Variants in LILRB4 observed in about 807,000 individuals in gnomAD.
The protein encoded by LILRB4 is leukocyte immunoglobulin like receptor B4.
A neutral mutation model predicts 55.2 loss-of-function variants in LILRB4; 49 were observed. That is an observed-to-expected ratio of 0.89 (90% CI 0.71 to 1.13). The LOEUF (loss-of-function observed/expected upper bound fraction) is 1.13, where lower values mean the gene tolerates loss of function less well. Among genes scored for constraint, LILRB4 ranks in the 50% most tolerant of loss-of-function variants. LILRB4 has a pLI of 0.00. For synonymous variants in LILRB4, 229 were observed against 213.8 expected (o/e 1.07, Z -0.62); for missense variants, 590 against 555.2 (o/e 1.06, Z -0.63).
Position 54,664,791 on chromosome 19 carries a change from C to G in LILRB4, c.656-8C>G. 6.4e-7 allele frequency: 1 copy of G among 1,573,168 alleles called. No homozygotes were observed. On this transcript the variant is annotated splice_region_variant and splice_polypyrimidine_tract_variant and intron_variant, in intron 4 of 11. Coordinates refer to ENST00000430952, the Ensembl canonical transcript of LILRB4. ...AGACTCTCACCCTCCTCTTGTCCTTCTACCCAGGATCCTTGGAGGGTCCCA... is the reference window on the plus strand; with the variant it reads ...AGACTCTCACCCTCCTCTTGTCCTTGTACCCAGGATCCTTGGAGGGTCCCA...
rs2065249021 is a variant in LILRB4, at chr19:54,666,065, GA to G, written c.874+138del. 2.3e-6 allele frequency: 3 copies of G among 1,325,272 alleles called. No individual in the cohort carries two copies. The highest frequency in any genetic ancestry group is 3.1e-6 in the Non-Finnish European group (3 of 955,214). The allele number at this position is 1,325,272 out of a possible 1,614,324, so 82.1% of individuals were successfully genotyped here. Reference sequence around the variant, plus strand: ...TCCCAGTGAGAAAATCTAGAAAGAAGAAAATGAATGAGGGAGTAATGGAAGT... The same window carrying G: ...TCCCAGTGAGAAAATCTAGAAAGAAGAAATGAATGAGGGAGTAATGGAAGT... On this transcript the variant is annotated intron_variant, in intron 7 of 11. Transcript: ENST00000430952. This position sits in a 1 kb window ranked among gnomAD's most constrained non-coding sequence, Gnocchi z 4.8.
chr19:54,667,578 T>C, intron 10 of LILRB4, 57 bp from the exon 11 acceptor site: 9 of 1,603,014 alleles, frequency 5.6e-6, no homozygotes, highest in Non-Finnish European at 7.7e-6. Flanking sequence ...GTGGGGAAAA[T>C]TGACTCCAGG....
At chr19:54,663,017 C>T (rs781392664) in exon 1 of LILRB4, 1 of 1,613,984 alleles carries the variant, frequency 6.2e-7, no homozygotes, top group Non-Finnish European at 8.5e-7. Flanking sequence ...CAGCTGGGGC[C>T]CCTGGGAGGA....
chr19:54,666,516 A>C lies in LILRB4; in HGVS notation c.988+80A>C, dbSNP rs1301887856. 3 of 1,547,544 alleles carry C rather than the reference A, an allele frequency of 1.9e-6. No individual in the cohort carries two copies. Among genetic ancestry groups the C allele is most frequent in the East Asian group, 4.5e-5 (2 of 44,556 alleles). On this transcript the variant is annotated intron_variant, in intron 9 of 11. Coordinates refer to ENST00000430952, the Ensembl canonical transcript of LILRB4. This position sits in a 1 kb window ranked among gnomAD's most constrained non-coding sequence, Gnocchi z 4.8. Reference sequence around the variant, plus strand: ...TCAATAGCAATGGGGGCAGGAGCACAGGCTAGGATTGGTCAGGGACTCAGG... The same window carrying C: ...TCAATAGCAATGGGGGCAGGAGCACCGGCTAGGATTGGTCAGGGACTCAGG...
chr19:54,665,120 T>A lies in LILRB4; in HGVS notation c.707-10T>A, dbSNP rs149067908. 0.015 allele frequency: 24,586 copies of A among 1,609,966 alleles called. 243 individuals carry two copies. The highest frequency in any genetic ancestry group is 0.018 in the Non-Finnish European group (21,627 of 1,177,872). On this transcript the variant is annotated splice_polypyrimidine_tract_variant and intron_variant, in intron 5 of 11. Coordinates refer to ENST00000430952, the Ensembl canonical transcript of LILRB4. The surrounding 1 kb of genome is among the most constrained non-coding windows in gnomAD (Gnocchi z 5.5). The stretch of plus-strand genomic sequence containing the variant: ...GCAGCCCCAGCCCTCACATCCCTGT[T>A]CTAACCCAGCAGGCCCTGAGGACCA...
rs1439442890 is a variant in LILRB4 at position 54,665,782 on chromosome 19, A to T, written c.758-33A>T. Reference sequence around the variant, plus strand: ...CACAGTAGGTGTGCACATCAATGACATCATCCCCATTCCTGATGTCATCAC... The same window carrying T: ...CACAGTAGGTGTGCACATCAATGACTTCATCCCCATTCCTGATGTCATCAC... On this transcript the variant is annotated intron_variant, in intron 6 of 11. Coordinates refer to ENST00000430952, the Ensembl canonical transcript of LILRB4. This position sits in a 1 kb window ranked among gnomAD's most constrained non-coding sequence, Gnocchi z 5.5. The T allele has an allele frequency of 6.4e-7, 1 of 1,571,834 alleles. No homozygotes were observed.
intron 4 of LILRB4, among the ~76,000 whole-genome samples, 156 bp from the exon 5 acceptor site, chr19:54,664,643 C>T (rs1363863416): frequency 2.6e-5 from 4 of 152,218 alleles, no homozygotes; most frequent in African/African-American, 9.6e-5. Flanking sequence ...CAGGCATGCC[C>T]ATGCTCTTCT....
At chr19:54,668,488 G>A (rs1003432514), downstream of LILRB4, 3 of 170,570 alleles carry the variant, frequency 1.8e-5, no homozygotes, top group Non-Finnish European at 3.8e-5. Flanking sequence ...AAAATAGGAG[G>A]CAGCACTACA....
chr19:54,666,588 C>G lies in LILRB4; in HGVS notation c.989-109C>G. On this transcript the variant is annotated intron_variant, in intron 9 of 11. Coordinates refer to ENST00000430952, the Ensembl canonical transcript of LILRB4. This position sits in a 1 kb window ranked among gnomAD's most constrained non-coding sequence, Gnocchi z 4.8. ...TTGTGGGACCTCGGGGACATCACAG[C>G]CCCTCCCTGCGTTGCAGTGGCACTA... is the stretch of plus-strand genomic sequence containing the variant. 7.0e-7 allele frequency: 1 copy of G among 1,422,732 alleles called. No individual in the cohort carries two copies. The highest frequency in any genetic ancestry group is 9.8e-7 in the Non-Finnish European group (1 of 1,020,134). 88.1% of individuals were successfully genotyped at this position (1,422,732 alleles called of 1,614,324 possible).
At chr19:54,664,807 G>C in exon 5 of LILRB4, 1 of 1,594,550 alleles carries the variant, frequency 6.3e-7, no homozygotes, top group Non-Finnish European at 8.5e-7. Flanking sequence ...AGGATCCTTG[G>C]AGGGTCCCAG....
chr19:54,663,262 C>T (rs183232026), intron 1 of LILRB4, among the ~76,000 whole-genome samples, 195 bp downstream of exon 1: 344 of 151,714 alleles, frequency 2.3e-3, no homozygotes, highest in Admixed American at 5.5e-3. Flanking sequence ...CTGGCTAACA[C>T]GGTGAAACCC....
In LILRB4 at chr19:54,666,091, T is replaced by C; in HGVS notation, c.875-149T>C. The stretch of plus-strand genomic sequence containing the variant: ...AAAATGAATGAGGGAGTAATGGAAG[T>C]GCTTTATTCTTTCGGTTTTTCTAAA... On this transcript the variant is annotated intron_variant, in intron 7 of 11. Transcript: ENST00000430952. The surrounding 1 kb of genome is among the most constrained non-coding windows in gnomAD (Gnocchi z 4.8). The C allele has an allele frequency of 8.4e-7, 1 of 1,193,920 alleles. No individual in the cohort carries two copies. Among genetic ancestry groups the C allele is most frequent in the South Asian group, 1.5e-5 (1 of 67,134 alleles). 74.0% of individuals were successfully genotyped at this position (1,193,920 alleles called of 1,614,324 possible). A position where few individuals can be genotyped will look rare whatever the true frequency, so the allele number is the denominator to read the frequency against.
exon 4 of LILRB4, chr19:54,664,254 C>G (rs1252145887): frequency 6.2e-7 from 1 of 1,614,168 alleles, no homozygotes; most frequent in East Asian, 2.2e-5. Flanking sequence ...GAGCGTGACC[C>G]TGCTGTGTCA....
chr19:54,668,088 A>G (rs2065381238), exon 12 of LILRB4: 10 of 1,580,890 alleles, frequency 6.3e-6, no homozygotes, highest in Admixed American at 3.4e-5. Flanking sequence ...AGCTGCCTCC[A>G]GTAGACATCA....
At position 54,664,795 on chromosome 19, in the gene LILRB4, C is replaced by A. The variant is rs1568642529; in HGVS notation, c.656-4C>A. 6.3e-7 allele frequency: 1 copy of A among 1,582,344 alleles called. No homozygotes were observed. ...TCTCACCCTCCTCTTGTCCTTCTAC[C>A]CAGGATCCTTGGAGGGTCCCAGGCC... On this transcript the variant is annotated splice_region_variant and splice_polypyrimidine_tract_variant and intron_variant, in intron 4 of 11. Coordinates refer to ENST00000430952, the Ensembl canonical transcript of LILRB4.
intron 2 of LILRB4, 82 bp from the exon 3 acceptor site, chr19:54,663,672 A>T (rs963274680): frequency 2.0e-5 from 32 of 1,608,868 alleles, no homozygotes; most frequent in Non-Finnish European, 2.7e-5. Flanking sequence ...ACTGATGAGG[A>T]TGACGGGGGG....
rs756263137 is a variant in LILRB4, at chr19:54,664,056, G to C, written c.355+18G>C. 1.9e-5 allele frequency: 31 copies of C among 1,612,678 alleles called. No homozygotes were observed. The highest frequency in any genetic ancestry group is 3.3e-4 in the Middle Eastern group (2 of 6,064). On this transcript the variant is annotated intron_variant, in intron 3 of 11. Transcript: ENST00000430952. ...GATGACAGGTGAGAGGACACTCAGG[G>C]GTCCCAGCCCCAGGCTCTGCCCTCA...
Position 54,663,584 on chromosome 19 carries a change from C to G in LILRB4, c.70+17C>G. 6.2e-7 allele frequency: 1 copy of G among 1,613,262 alleles called. No individual in the cohort carries two copies. Among genetic ancestry groups the G allele is most frequent in the Non-Finnish European group, 8.5e-7 (1 of 1,179,990 alleles). ...TGCAGGCAGGTGAGTCTGTCCCCAG[C>G]TGTCCCAGGTCCCTCCTCCTCACTG... On this transcript the variant is annotated intron_variant, in intron 2 of 11. Coordinates refer to ENST00000430952, the Ensembl canonical transcript of LILRB4.
exon 12 of LILRB4, chr19:54,667,913 G>A (rs1048801): frequency 0.64 from 1,023,579 of 1,606,050 alleles, 326,476 homozygotes; most frequent in East Asian, 0.7. Flanking sequence ...ACCTACGCCC[G>A]GCTGCACAGC....
Sources: gnomAD v4.1 joint callset for allele counts (sites outside exome capture counted in the v4.1 genomes callset) on GRCh38, gnomAD v4.1.1 for gene constraint, Gnocchi (gnomAD v3.1) non-coding constraint, MANE v1.5 for transcripts, NCBI Gene and HGNC (gene_info 2026-07-23, HGNC 2026-07-21) for gene names.